ATG10: variants seen among roughly 807,000 people sequenced by gnomAD.
The protein encoded by ATG10 is autophagy related 10.
A neutral mutation model predicts 32.1 loss-of-function variants in ATG10; 30 were observed. The ratio of observed to expected loss-of-function variants is 0.94; its 90% CI spans 0.70 to 1.27. ATG10 has a LOEUF of 1.27. ATG10 is among the 50% of genes most tolerant of loss of function. ATG10 has a pLI of 0.00. For missense variants in ATG10, 233 were observed against 262.3 expected, an observed-to-expected ratio of 0.89 and a Z score of 0.77; for synonymous variants, 87 against 91.5, an observed-to-expected ratio of 0.95 and a Z score of 0.28.
chr5:82,083,230 C>G (rs1012868086), intron 3 of ATG10, among the ~76,000 whole-genome samples: 2 of 152,224 alleles, frequency 1.3e-5, no homozygotes, highest in African/African-American at 4.8e-5. Context: ...GCCTCACTCA[C>G]TGCTAGCACA....
intron 2 of ATG10, among the ~76,000 whole-genome samples, chr5:82,030,465 A>G (rs1287742731): frequency 6.6e-6 from 1 of 152,256 alleles, no homozygotes; most frequent in Non-Finnish European, 1.5e-5. Flanking sequence ...TTATTGAACA[A>G]TAACATTCTT....
At chr5:82,120,825 T>G (rs552802617) in intron 3 of ATG10, among the ~76,000 whole-genome samples, 2 of 152,266 alleles carry the variant, frequency 1.3e-5, no homozygotes, top group Admixed American at 6.5e-5. Flanking sequence ...GAGGAGACAT[T>G]AAAGTAATTT....
intron 5 of ATG10, among the ~76,000 whole-genome samples, chr5:82,186,905 G>A (rs964006364): frequency 4.6e-5 from 7 of 151,990 alleles, no homozygotes; most frequent in African/African-American, 7.3e-5. Flanking sequence ...TTATCCATTC[G>A]GAAATGTTTA....
At chr5:82,095,814 C>G (rs530424145) in intron 3 of ATG10, among the ~76,000 whole-genome samples, 3 of 152,106 alleles carry the variant, frequency 2.0e-5, no homozygotes, top group African/African-American at 7.2e-5. Context: ...TCTTACCACC[C>G]CTTTACTCCT....
chr5:82,073,462 AC>A (rs1487849351), intron 3 of ATG10: 2 of 152,294 alleles, frequency 1.3e-5, no homozygotes, highest in Non-Finnish European at 2.9e-5. Flanking sequence ...GGTTGAAAGA[AC>A]AAGGGCTTTA....
chr5:82,236,421 A>C (rs1258084140), intron 5 of ATG10, among the ~76,000 whole-genome samples: 2 of 152,202 alleles, frequency 1.3e-5, no homozygotes, highest in African/African-American at 4.8e-5. Context: ...TAAAGCAACA[A>C]TCTATATAGA....
chr5:82,161,873 AGT>A (rs1196863006), intron 3 of ATG10, among the ~76,000 whole-genome samples: 1 of 152,124 alleles, frequency 6.6e-6, no homozygotes, highest in Non-Finnish European at 1.5e-5. Context: ...ACGTGTATAT[AGT>A]AAAGAAATTT....
At chr5:82,103,168 G>A (rs1765335231) in intron 3 of ATG10, among the ~76,000 whole-genome samples, 1 of 151,864 alleles carries the variant, frequency 6.6e-6, no homozygotes, top group Admixed American at 6.6e-5. Flanking sequence ...TTGTAGACAG[G>A]GACAATAATA....
intron 5 of ATG10, among the ~76,000 whole-genome samples, chr5:82,234,917 T>C (rs1351733938): frequency 3.9e-5 from 6 of 152,246 alleles, no homozygotes; most frequent in African/African-American, 1.4e-4. Flanking sequence ...AAATGCAGCA[T>C]TTATAATTTA....
At chr5:82,014,822 T>TG (rs1762234383) in intron 2 of ATG10, among the ~76,000 whole-genome samples, 1 of 152,232 alleles carries the variant, frequency 6.6e-6, no homozygotes, top group South Asian at 2.1e-4. Flanking sequence ...ATTTAGCCCA[T>TG]TTACATTTAA....
intron 3 of ATG10, among the ~76,000 whole-genome samples, chr5:82,084,644 C>T (rs921815500): frequency 6.6e-6 from 1 of 152,290 alleles, no homozygotes; most frequent in Middle Eastern, 3.4e-3. Context: ...TCGGCAGAAA[C>T]TCTACAAGCC....
intron 3 of ATG10, among the ~76,000 whole-genome samples, chr5:82,161,392 C>T (rs1028518398): frequency 1.3e-5 from 2 of 151,988 alleles, no homozygotes; most frequent in African/African-American, 2.4e-5. Flanking sequence ...TGTTCTGTCC[C>T]CTCCCTCTTA....
intron 5 of ATG10, among the ~76,000 whole-genome samples, chr5:82,222,839 G>C (rs907824311): frequency 6.6e-6 from 1 of 152,168 alleles, no homozygotes; most frequent in African/African-American, 2.4e-5. Context: ...AACAATCAGG[G>C]CATATTGTTC....
chr5:82,081,277 C>A (rs1306992475), intron 3 of ATG10, among the ~76,000 whole-genome samples: 3 of 152,206 alleles, frequency 2.0e-5, no homozygotes, highest in Admixed American at 2.0e-4. Flanking sequence ...ATGAGGTTTT[C>A]TAAATATACA....
chr5:82,196,713 A>G (rs1744864194), intron 5 of ATG10, among the ~76,000 whole-genome samples: 1 of 152,106 alleles, frequency 6.6e-6, no homozygotes, highest in Non-Finnish European at 1.5e-5. Flanking sequence ...GTATGCATTT[A>G]TTTCTGGACG....
At chr5:82,045,834 T>TGTG (rs1763219474) in intron 2 of ATG10, among the ~76,000 whole-genome samples, 2 of 152,064 alleles carry the variant, frequency 1.3e-5, no homozygotes, top group Non-Finnish European at 2.9e-5. Flanking sequence ...GAGTTTGCCG[T>TGTG]GTGTCTGGTA....
intron 3 of ATG10, among the ~76,000 whole-genome samples, chr5:82,098,035 C>T (rs544392812): frequency 6.6e-6 from 1 of 152,318 alleles, no homozygotes; most frequent in East Asian, 1.9e-4. Flanking sequence ...TCTTAACCAT[C>T]TCATTCAACA....
intron 2 of ATG10, among the ~76,000 whole-genome samples, chr5:82,057,648 T>C (rs1255088994): frequency 2.6e-5 from 4 of 152,186 alleles, no homozygotes; most frequent in African/African-American, 9.7e-5. Flanking sequence ...ATGTTTGTTC[T>C]TGGGGAGGTA....
chr5:82,241,789 T>C (rs1290563764), intron 5 of ATG10, among the ~76,000 whole-genome samples: 3 of 151,738 alleles, frequency 2.0e-5, no homozygotes, highest in Non-Finnish European at 2.9e-5. Context: ...ATTTTTTTTC[T>C]CTCTCCTCCA....
Sources: allele counts gnomAD v4.1 joint callset (sites outside exome capture counted in the v4.1 genomes callset), GRCh38; gene constraint gnomAD v4.1.1; transcripts MANE v1.5; gene names NCBI Gene and HGNC (gene_info 2026-07-23, HGNC 2026-07-21).